MYO3B: variants seen among roughly 807,000 people sequenced by gnomAD.
MYO3B encodes myosin-IIIb.
Under a neutral mutation model 174.6 loss-of-function variants are expected in MYO3B, and 156 were observed. The observed-to-expected ratio is 0.89, with a 90% CI of 0.78 to 1.02. The LOEUF is 1.02. Among genes scored for constraint, MYO3B ranks in the 50% least tolerant of loss-of-function variants. MYO3B has a pLI of 0.00. For synonymous variants in MYO3B, 563 were observed against 569.1 expected, an observed-to-expected ratio of 0.99 and a Z score of 0.15; for missense variants, 1,632 against 1,639.4, an observed-to-expected ratio of 1.00 and a Z score of 0.08.
intron 7 of MYO3B, among the ~76,000 whole-genome samples, chr2:170,323,701 G>C (rs2093845284): frequency 6.6e-6 from 1 of 152,194 alleles, no homozygotes; most frequent in South Asian, 2.1e-4. Flanking sequence ...TTTATGTGAG[G>C]ATTAAATCAG....
Position 170,616,940 on chromosome 2 carries a change from A to G in MYO3B, c.3734-34688A>G, listed in dbSNP as rs537885385. 2.5e-3 allele frequency among the ~76,000 whole-genome samples: 374 copies of G among 152,336 alleles called. 2 individuals are homozygous for G. Among genetic ancestry groups the G allele is most frequent in the African/African-American group, 8.8e-3 (366 of 41,584 alleles). On this transcript the variant is annotated intron_variant, in intron 32 of 34. Transcript: ENST00000408978. Reference sequence around the variant, plus strand: ...CATTATATTGAAATGGAGTTATACAAAAATCAGAAGTATTCCAATCACATT... The same window carrying G: ...CATTATATTGAAATGGAGTTATACAGAAATCAGAAGTATTCCAATCACATT...
chr2:170,594,087 C>T (rs1327568356), intron 32 of MYO3B, among the ~76,000 whole-genome samples: 1 of 152,132 alleles, frequency 6.6e-6, no homozygotes, highest in African/African-American at 2.4e-5. Context: ...TTACACTAAA[C>T]CCTGGCCAGA....
chr2:170,383,750 C>T lies in MYO3B; in HGVS notation c.1226C>T (p.Pro409Leu). 6.2e-7 allele frequency: 1 copy of T among 1,613,654 alleles called. No homozygotes were observed. The highest frequency in any genetic ancestry group is 8.5e-7 in the Non-Finnish European group (1 of 1,179,680). ...LYHGVKRASN[P>L]PHIFASADAA... is the part of the protein sequence containing the mutation. Reference sequence around the variant, plus strand: ...CATGGGGTGAAACGCGCCTCCAATCCCCCCCACATATTTGCATCAGCAGAT... The same window carrying T: ...CATGGGGTGAAACGCGCCTCCAATCTCCCCCACATATTTGCATCAGCAGAT... The change falls in exon 12 of 35, where the codon CCC becomes CTC. Residue 409 changes from proline (P) to leucine (L), a missense_variant. Physicochemically the swap from Pro to Leu is moderately conservative, Grantham distance 98. Coordinates refer to ENST00000408978, the MANE Select transcript of MYO3B (RefSeq NM_138995.5).
intron 27 of MYO3B, among the ~76,000 whole-genome samples, chr2:170,500,146 ACAGG>A (rs1381185582): frequency 7.2e-5 from 11 of 152,204 alleles, no homozygotes; most frequent in Non-Finnish European, 1.5e-5. Flanking sequence ...ACTGAGAAAG[ACAGG>A]TTAACAGGAG....
Position 170,466,605 on chromosome 2 carries a change from CGA to C in MYO3B, c.2914_2915del (p.Arg972GlyfsTer28), listed in dbSNP as rs1403763314. 6 of 1,614,110 alleles carry C rather than the reference CGA, an allele frequency of 3.7e-6. No individual in the cohort carries two copies. The highest frequency in any genetic ancestry group is 3.3e-5 in the South Asian group (3 of 91,078). On this transcript the variant is annotated frameshift_variant, in exon 25 of 35. Coordinates refer to ENST00000408978, the MANE Select transcript of MYO3B (RefSeq NM_138995.5). LOFTEE classifies it high-confidence loss of function. ...TGACCGAGAGGCCCTGCAGTTCTCT[CGA>C]GAGAGGGTGCTGGCCCAGCTCCGCT... ...NDDREALQFSRERVLAQLRST... is the reference protein window; with the variant it reads ...NDDREALQFSXERVLAQLRST...
chr2:170,310,681 A>G (rs1300268000), intron 7 of MYO3B, among the ~76,000 whole-genome samples: 4 of 151,422 alleles, frequency 2.6e-5, no homozygotes, highest in African/African-American at 9.7e-5. Flanking sequence ...AAAAAAAAAA[A>G]AAAAAAGAAA....
intron 22 of MYO3B, among the ~76,000 whole-genome samples, chr2:170,430,043 A>C (rs1193435710): frequency 2.0e-5 from 3 of 151,824 alleles, no homozygotes; most frequent in South Asian, 2.1e-4. Flanking sequence ...AATGCAGATA[A>C]AAAATACAAT....
intron 23 of MYO3B, among the ~76,000 whole-genome samples, chr2:170,453,956 C>T (rs1056499774): frequency 6.6e-6 from 1 of 152,182 alleles, no homozygotes; most frequent in African/African-American, 2.4e-5. Context: ...AGAGTCAGGC[C>T]TGTTGAGCTT....
At chr2:170,416,623 CTTTTTTTT>C (rs80194434) in intron 22 of MYO3B, among the ~76,000 whole-genome samples, 1 of 139,876 alleles carries the variant, frequency 7.1e-6, no homozygotes, top group Non-Finnish European at 1.6e-5. Context: ...ATCCAAACTC[CTTTTTTTT>C]TTTTTTTTTT....
intron 1 of MYO3B, among the ~76,000 whole-genome samples, chr2:170,197,267 C>T (rs551985049): frequency 6.6e-6 from 1 of 152,320 alleles, no homozygotes; most frequent in South Asian, 2.1e-4. Flanking sequence ...AACTCCATCT[C>T]CCACATGGTG....
intron 32 of MYO3B, among the ~76,000 whole-genome samples, chr2:170,589,681 A>G (rs143921702): frequency 1.2e-4 from 19 of 152,364 alleles, no homozygotes; most frequent in African/African-American, 4.6e-4. Context: ...CAAAACATTT[A>G]GAAAATTTAA....
At chr2:170,589,106 A>G (rs1483891380) in intron 32 of MYO3B, among the ~76,000 whole-genome samples, 1 of 152,154 alleles carries the variant, frequency 6.6e-6, no homozygotes. Context: ...AGGAAACTAC[A>G]GGAGAAGATG....
At chr2:170,630,584 T>C (rs1050566911) in intron 32 of MYO3B, among the ~76,000 whole-genome samples, 1 of 151,990 alleles carries the variant, frequency 6.6e-6, no homozygotes, top group African/African-American at 2.4e-5. Context: ...TGAGAACAGA[T>C]AGCCTGCCTC....
chr2:170,550,219 T>G (rs753205532), intron 32 of MYO3B, among the ~76,000 whole-genome samples: 3 of 152,222 alleles, frequency 2.0e-5, no homozygotes, highest in Non-Finnish European at 4.4e-5. Flanking sequence ...TAAAGTCTTA[T>G]GTGAGGACTT....
intron 32 of MYO3B, among the ~76,000 whole-genome samples, chr2:170,565,227 G>C (rs1691988365): frequency 6.6e-6 from 1 of 152,170 alleles, no homozygotes; most frequent in Non-Finnish European, 1.5e-5. Context: ...AGTATTGTTT[G>C]GGGCAGGAAA....
At chr2:170,372,118 C>CAAAAAAAAAAAAAAAAAAAAAAAAAAA (rs769243145) in intron 9 of MYO3B, among the ~76,000 whole-genome samples, 3 of 22,212 alleles carry the variant, frequency 1.4e-4, no homozygotes, top group African/African-American at 2.5e-4. Context: ...GACCCTGTCT[C>CAAAAAAAAAAAAAAAAAAAAAAAAAAA]AAAAAAAAAA....
intron 32 of MYO3B, among the ~76,000 whole-genome samples, chr2:170,576,988 C>T (rs1236701180): frequency 6.6e-6 from 1 of 152,170 alleles, no homozygotes. Flanking sequence ...TTGTATAGCC[C>T]CAATCCTAGC....
rs1268110549 is a variant in MYO3B at position 170,401,796 on chromosome 2, C to CTTTTTTTTTTTTTTTTTTTTTTTT, written c.2129+110_2129+111insTTTTTTTTTTTTTTTTTTTTTTTT. The CTTTTTTTTTTTTTTTTTTTTTTTT allele has an allele frequency of 5.0e-6, 4 of 794,442 alleles. No individual in the cohort carries two copies. In the African/African-American group the frequency reaches 7.4e-5, roughly 15 times the overall value. 49.2% of individuals were successfully genotyped at this position (794,442 alleles called of 1,614,324 possible). A position where few individuals can be genotyped will look rare whatever the true frequency, so the allele number is the denominator to read the frequency against. On this transcript the variant is annotated intron_variant, in intron 18 of 34. Transcript: ENST00000408978. ...TTTGGTCCTCTCTGGGATTTTCTTT[C>CTTTTTTTTTTTTTTTTTTTTTTTT]TTTTTCTTTTTTTTTTTTTTTGTGG...
chr2:170,269,801 A>G (rs1176516595), intron 7 of MYO3B, among the ~76,000 whole-genome samples: 1 of 152,220 alleles, frequency 6.6e-6, no homozygotes, highest in East Asian at 1.9e-4. Flanking sequence ...AAAGATTTCA[A>G]AACCAGAGGT....
Sources: gnomAD v4.1 joint callset for allele counts (sites outside exome capture counted in the v4.1 genomes callset) on GRCh38, gnomAD v4.1.1 for gene constraint, MANE v1.5 for transcripts, NCBI Gene and HGNC (gene_info 2026-07-23, HGNC 2026-07-21) for gene names.